C2CD2L: variants seen among roughly 807,000 people sequenced by gnomAD.
C2CD2L encodes phospholipid transfer protein C2CD2L.
A neutral mutation model predicts 69.9 loss-of-function variants in C2CD2L; 24 were observed. That is an observed-to-expected ratio of 0.34 (90% confidence interval 0.25 to 0.48). The LOEUF is 0.48. C2CD2L is among the 20% of genes least tolerant of loss of function. The probability of loss-of-function intolerance (pLI) is 0.99; values close to 1 mark genes in which losing one functional copy is unlikely to be tolerated. For synonymous variants in C2CD2L, 367 were observed against 391.0 expected (o/e 0.94, Z 0.72); for missense variants, 811 against 941.5 (o/e 0.86, Z 1.81).
In C2CD2L at chr11:119,109,803, GAGA is replaced by G. The variant is rs762642242; in HGVS notation, c.355-292_355-290del. On this transcript the variant is annotated intron_variant, in intron 1 of 13. Transcript: ENST00000648610. This position sits in a 1 kb window ranked among gnomAD's most constrained non-coding sequence, Gnocchi z 5.1. ...GGTAGGGGATGAAAGGGATTGCAGGGAGAAGAAGAAGGAAGCTCTTGGTATTCC... is the reference window on the plus strand; with the variant it reads ...GGTAGGGGATGAAAGGGATTGCAGGGAGAAGAAGGAAGCTCTTGGTATTCC... 6.6e-6 allele frequency among the ~76,000 whole-genome samples: 1 copy of G among 152,148 alleles called. No individual in the cohort carries two copies. The highest frequency in any genetic ancestry group is 1.5e-5 in the Non-Finnish European group (1 of 68,022).
intron 1 of C2CD2L, chr11:119,108,382 G>T (rs1200990856): frequency 2.8e-6 from 1 of 359,004 alleles, no homozygotes; most frequent in East Asian, 4.7e-5. Flanking sequence ...GGGCACTTCC[G>T]CCTTGCCTGG....
upstream of C2CD2L, among the ~76,000 whole-genome samples, chr11:119,103,049 G>A (rs1181380522): frequency 1.3e-5 from 2 of 151,618 alleles, no homozygotes; most frequent in African/African-American, 4.8e-5. Flanking sequence ...GCGCCACCAC[G>A]CCCGGCTAAT....
intron 13 of C2CD2L, 114 bp from the exon 14 acceptor site, chr11:119,115,931 C>A: frequency 2.5e-6 from 2 of 788,310 alleles, no homozygotes; most frequent in South Asian, 1.6e-5. Context: ...GCTTCTGGGC[C>A]ACGGGACTGA....
In C2CD2L at chr11:119,112,399, G is replaced by T; in HGVS notation, c.1084+7G>T. Reference sequence around the variant, plus strand: ...AGCAGCAGCTGTGGAGACAGTAAGTGAGGGGTGGGAGGGGCACCCCTGGGT... The same window carrying T: ...AGCAGCAGCTGTGGAGACAGTAAGTTAGGGGTGGGAGGGGCACCCCTGGGT... On this transcript the variant is annotated splice_region_variant and intron_variant, in intron 8 of 13. Transcript: ENST00000648610. 6.2e-7 allele frequency: 1 copy of T among 1,613,820 alleles called. No individual in the cohort carries two copies. The highest frequency in any genetic ancestry group is 8.5e-7 in the Non-Finnish European group (1 of 1,179,852).
intron 10 of C2CD2L, 104 bp downstream of exon 10, chr11:119,112,978 T>C (rs1435101332): frequency 1.1e-6 from 1 of 902,422 alleles, no homozygotes; most frequent in East Asian, 2.6e-5. Flanking sequence ...CAACTCCCCC[T>C]GTTTTCAGAC....
rs113111158 is a variant in C2CD2L at position 119,112,400 on chromosome 11, A to G, written c.1084+8A>G. The G allele has an allele frequency of 7.9e-4, 1,264 of 1,602,876 alleles. 6 individuals are homozygous for G. The highest frequency in any genetic ancestry group is 5.9e-3 in the East Asian group (262 of 44,504). On this transcript the variant is annotated splice_region_variant and intron_variant, in intron 8 of 13. Coordinates refer to ENST00000648610, the MANE Select transcript of C2CD2L (RefSeq NM_001290474.2). ...GCAGCAGCTGTGGAGACAGTAAGTG[A>G]GGGGTGGGAGGGGCACCCCTGGGTG...
At position 119,110,174 on chromosome 11, in the gene C2CD2L, G is replaced by A. The variant is rs1296470472; in HGVS notation, c.425G>A (p.Cys142Tyr). 1 of 1,613,728 alleles carries A rather than the reference G, an allele frequency of 6.2e-7. No individual in the cohort carries two copies. Among genetic ancestry groups the A allele is most frequent in the Non-Finnish European group, 8.5e-7 (1 of 1,179,654 alleles). The change falls in exon 2 of 14, where the codon TGC becomes TAC. Residue 142 changes from cysteine (C) to tyrosine (Y), a missense_variant. Transcript: ENST00000648610. This position sits in a 1 kb window ranked among gnomAD's most constrained non-coding sequence, Gnocchi z 5.7. ...AGAGCCAGCATCAGTCATGTGACCT[G>A]CGTAGACCAATCTGAGCATACCATG... ...PPRASISHVTCVDQSEHTMVL... is the reference protein window; with the variant it reads ...PPRASISHVTYVDQSEHTMVL...
At position 119,116,583 on chromosome 11, in the gene C2CD2L, A is replaced by C; in HGVS notation, c.*327A>C. The C allele has an allele frequency of 2.2e-6, 1 of 460,220 alleles. No homozygotes were observed. Among genetic ancestry groups the C allele is most frequent in the Admixed American group, 3.6e-5 (1 of 28,092 alleles). The allele number at this position is 460,220 out of a possible 1,614,324, so 28.5% of individuals were successfully genotyped here. ...GGAGTCCCAGGGTGCTCAGCTCTTC[A>C]GCTGACCCTTCTTCCCTTATTTATT... On this transcript the variant is annotated 3_prime_UTR_variant, in exon 14 of 14. Coordinates refer to ENST00000648610, the MANE Select transcript of C2CD2L (RefSeq NM_001290474.2).
At position 119,114,687 on chromosome 11, in the gene C2CD2L, C is replaced by A. The variant is rs1946840776; in HGVS notation, c.1909+322C>A. The A allele has an allele frequency of 5.7e-6, 2 of 350,936 alleles. No individual in the cohort carries two copies. Among genetic ancestry groups the A allele is most frequent in the Admixed American group, 8.7e-5 (2 of 22,890 alleles). 21.7% of individuals were successfully genotyped at this position (350,936 alleles called of 1,614,324 possible). A position where few individuals can be genotyped will look rare whatever the true frequency, so the allele number is the denominator to read the frequency against. On this transcript the variant is annotated intron_variant, in intron 13 of 13. Transcript: ENST00000648610. This position sits in a 1 kb window ranked among gnomAD's most constrained non-coding sequence, Gnocchi z 5.1. ...CCTAGGCAGGGTGTGGTGGCTCACACCGGCACTTTGGGAGGCCAAGGCGGG... is the reference window on the plus strand; with the variant it reads ...CCTAGGCAGGGTGTGGTGGCTCACAACGGCACTTTGGGAGGCCAAGGCGGG...
At position 119,110,305 on chromosome 11, in the gene C2CD2L, G is replaced by A; in HGVS notation, c.450+106G>A. The A allele has an allele frequency of 1.1e-6, 1 of 886,568 alleles. No homozygotes were observed. The highest frequency in any genetic ancestry group is 1.8e-6 in the Non-Finnish European group (1 of 564,120). 54.9% of individuals were successfully genotyped at this position (886,568 alleles called of 1,614,324 possible). On this transcript the variant is annotated intron_variant, in intron 2 of 13. Transcript: ENST00000648610. The surrounding 1 kb of genome is among the most constrained non-coding windows in gnomAD (Gnocchi z 5.7). ...AACCTGGAGTCTGTGAATGCCTTATGGATCTAAGGATTGGTTTCAGGAAGT... is the reference window on the plus strand; with the variant it reads ...AACCTGGAGTCTGTGAATGCCTTATAGATCTAAGGATTGGTTTCAGGAAGT...
At chr11:119,102,819 A>G (rs1215865506), upstream of C2CD2L, among the ~76,000 whole-genome samples, 5 of 125,344 alleles carry the variant, frequency 4.0e-5, no homozygotes, top group African/African-American at 1.6e-4. Context: ...GTTGCTGTGC[A>G]TTTTGCTTGG....
rs1946732510 is a variant in C2CD2L at position 119,111,246 on chromosome 11, C to T, written c.799-17C>T. 2 of 1,612,886 alleles carry T rather than the reference C, an allele frequency of 1.2e-6. No homozygotes were observed. The highest frequency in any genetic ancestry group is 2.7e-5 in the African/African-American group (2 of 74,908). ...TATGTCAGGATTCTTGCTCTTTGGA[C>T]CTTCTTCTGCTCTTAGGTACCCAGT... On this transcript the variant is annotated splice_polypyrimidine_tract_variant and intron_variant, in intron 5 of 13. Coordinates refer to ENST00000648610, the MANE Select transcript of C2CD2L (RefSeq NM_001290474.2).
chr11:119,102,860 CTTTTTTTTTTTTTTTTTT>C (rs141575057), upstream of C2CD2L, among the ~76,000 whole-genome samples: 1 of 43,412 alleles, frequency 2.3e-5, no homozygotes, highest in African/African-American at 8.8e-5. Context: ...AATTCACCAG[CTTTTTTTTTTTTTTTTTT>C]TTTTTTTTTT....
At position 119,107,926 on chromosome 11, in the gene C2CD2L, A is replaced by G; in HGVS notation, c.185A>G (p.Glu62Gly). 1 of 1,537,134 alleles carries G rather than the reference A, an allele frequency of 6.5e-7. No homozygotes were observed. Residue 62 changes from glutamate to glycine, a missense_variant, in exon 1 of 14, where the codon GAG becomes GGG. Physicochemically the swap from Glu to Gly is moderately conservative, Grantham distance 98 (BLOSUM62 -2). Coordinates refer to ENST00000648610, the MANE Select transcript of C2CD2L (RefSeq NM_001290474.2). The surrounding 1 kb of genome is among the most constrained non-coding windows in gnomAD (Gnocchi z 5.4). ...LAGEPAGSLR[E>G]LGVWRSLLRL... ...GGGGAACCCGCGGGTTCCCTGCGGG[A>G]GCTGGGCGTGTGGCGCTCGCTGCTG... is the stretch of plus-strand genomic sequence containing the variant.
intron 7 of C2CD2L, 200 bp downstream of exon 7, chr11:119,111,829 A>G: frequency 1.8e-6 from 1 of 554,476 alleles, no homozygotes; most frequent in Non-Finnish European, 3.2e-6. Flanking sequence ...GACAAGCTTG[A>G]GGCAGAGACA....
In C2CD2L at chr11:119,113,881, G is replaced by A; in HGVS notation, c.1516G>A (p.Asp506Asn). The A allele has an allele frequency of 3.7e-6, 6 of 1,614,142 alleles. No individual in the cohort carries two copies. The highest frequency in any genetic ancestry group is 5.1e-6 in the Non-Finnish European group (6 of 1,180,018). ...SRDSHLSNGL[D>N]PVAETAIRQL... ...GGACAGCCACCTTTCCAACGGCTTG[G>A]ACCCTGTAGCAGAGACAGCGATTCG... The change falls in exon 12 of 14, where the codon GAC becomes AAC. Residue 506 changes from aspartate (D) to asparagine (N), a missense_variant. Coordinates refer to ENST00000648610, the MANE Select transcript of C2CD2L (RefSeq NM_001290474.2).
In C2CD2L at chr11:119,114,503, C is replaced by T; in HGVS notation, c.1909+138C>T. ...TCCCAGCCTAGTTCAGCCAAGCTAGCCTAGAGGGGGATCTTGGTGCCTTGG... is the reference window on the plus strand; with the variant it reads ...TCCCAGCCTAGTTCAGCCAAGCTAGTCTAGAGGGGGATCTTGGTGCCTTGG... On this transcript the variant is annotated intron_variant, in intron 13 of 13. Transcript: ENST00000648610. This position sits in a 1 kb window ranked among gnomAD's most constrained non-coding sequence, Gnocchi z 5.1. 1 of 812,748 alleles carries T rather than the reference C, an allele frequency of 1.2e-6. No homozygotes were observed. 50.3% of individuals were successfully genotyped at this position (812,748 alleles called of 1,614,324 possible).
chr11:119,107,885 G>C lies in C2CD2L; in HGVS notation c.144G>C (p.Pro48=). The C allele has an allele frequency of 6.6e-7, 1 of 1,519,154 alleles. No individual in the cohort carries two copies. The highest frequency in any genetic ancestry group is 8.8e-7 in the Non-Finnish European group (1 of 1,141,614). 94.1% of individuals were successfully genotyped at this position (1,519,154 alleles called of 1,614,324 possible). Reference sequence around the variant, plus strand: ...CGCGGGCCCGCGGGGACCGGGGCCCGGGACCCGCCTTAGCCGGGGAACCCG... The same window carrying C: ...CGCGGGCCCGCGGGGACCGGGGCCCCGGACCCGCCTTAGCCGGGGAACCCG... ...WLARARGDRG[P]GPALAGEPAG... Residue 48 remains proline, a synonymous_variant, in exon 1 of 14, where the codon CCG becomes CCC. Coordinates refer to ENST00000648610, the MANE Select transcript of C2CD2L (RefSeq NM_001290474.2). The surrounding 1 kb of genome is among the most constrained non-coding windows in gnomAD (Gnocchi z 5.4).
chr11:119,116,213 A>C lies in C2CD2L; in HGVS notation c.2078A>C (p.Lys693Thr). The C allele has an allele frequency of 6.2e-7, 1 of 1,614,208 alleles. No individual in the cohort carries two copies. Among genetic ancestry groups the C allele is most frequent in the Non-Finnish European group, 8.5e-7 (1 of 1,180,034 alleles). Reference sequence around the variant, plus strand: ...CGCCTTATCAAGCGCTTTTCCTTCAAATCCAAACCCAAGGCCAATGGTAAC... The same window carrying C: ...CGCCTTATCAAGCGCTTTTCCTTCACATCCAAACCCAAGGCCAATGGTAAC... ...SRRLIKRFSF[K>T]SKPKANGNPS... Residue 693 changes from lysine to threonine, a missense_variant, in exon 14 of 14, where the codon AAA becomes ACA. Physicochemically the swap from Lys to Thr is moderately conservative, Grantham distance 78 (BLOSUM62 -1). Coordinates refer to ENST00000648610, the MANE Select transcript of C2CD2L (RefSeq NM_001290474.2).
Sources: gnomAD v4.1 joint callset for allele counts (sites outside exome capture counted in the v4.1 genomes callset) on GRCh38, gnomAD v4.1.1 for gene constraint, Gnocchi (gnomAD v3.1) non-coding constraint, MANE v1.5 for transcripts, NCBI Gene and HGNC (gene_info 2026-07-23, HGNC 2026-07-21) for gene names.